The following ITPR2 variants were observed in gnomAD, a reference collection of about 807,000 sequenced individuals.
The protein encoded by ITPR2 is inositol 1,4,5-trisphosphate receptor type 2.
In ITPR2, 207 loss-of-function variants were observed where a neutral mutation model predicts 317.1. The observed-to-expected ratio is 0.65, with a 90% CI of 0.58 to 0.73. The LOEUF is 0.73. Among genes scored for constraint, ITPR2 ranks in the 30% least tolerant of loss-of-function variants. The pLI, the probability that ITPR2 is intolerant of heterozygous loss-of-function variation, is 0.00. For missense variants in ITPR2, 2,613 were observed against 3,284.0 expected (o/e 0.80, Z 4.99); for synonymous variants, 1,156 against 1,149.1 (o/e 1.01, Z -0.12).
chr12:26,608,692 GCAACCCCTC>G, intron 26 of ITPR2, among the ~76,000 whole-genome samples: 1 of 152,048 alleles, frequency 6.6e-6, no homozygotes, highest in African/African-American at 2.4e-5. Context: ...CGGCTGCTGT[GCAACCCCTC>G]CAAGTGTGTG....
At chr12:26,827,837 G>A (rs1044741198) in intron 1 of ITPR2, among the ~76,000 whole-genome samples, 16 of 152,264 alleles carry the variant, frequency 1.1e-4, no homozygotes, top group African/African-American at 3.4e-4. Context: ...CCCCCGTTGC[G>A]TTTTTAATAT....
Position 26,391,555 on chromosome 12 carries a change from CCTTTTTT to C in ITPR2, c.7697-3968_7697-3962del, listed in dbSNP as rs1298019058. ...AGCTTCTTCTTCTTCTTCTTCTTTT[CCTTTTTT>C]TTTTTTTTTTTTTTTTTTTTTTGAC... On this transcript the variant is annotated intron_variant, in intron 54 of 56. Coordinates refer to ENST00000381340, the MANE Select transcript of ITPR2 (RefSeq NM_002223.4). 1.3e-3 allele frequency among the ~76,000 whole-genome samples: 91 copies of C among 70,846 alleles called. 2 individuals carry two copies. Among genetic ancestry groups the C allele is most frequent in the Non-Finnish European group, 2.0e-3 (76 of 38,646 alleles). The allele number at this position is 70,846 out of a possible 152,430, so 46.5% of individuals were successfully genotyped here.
intron 55 of ITPR2, among the ~76,000 whole-genome samples, chr12:26,343,299 A>G (rs2136544772): frequency 6.6e-6 from 1 of 152,372 alleles, no homozygotes; most frequent in South Asian, 2.1e-4. Flanking sequence ...AGAAAATAGA[A>G]TAACAAAATT....
At chr12:26,605,212 T>C (rs994830147) in intron 26 of ITPR2, among the ~76,000 whole-genome samples, 87 of 151,442 alleles carry the variant, frequency 5.7e-4, no homozygotes, top group African/African-American at 2.0e-3. Context: ...GTGGCTAAGA[T>C]GAATGAAAAC....
chr12:26,758,386 TA>T (rs1222005002), intron 2 of ITPR2, among the ~76,000 whole-genome samples: 7 of 152,248 alleles, frequency 4.6e-5, no homozygotes, highest in Non-Finnish European at 8.8e-5. Context: ...ATTTGTTGTA[TA>T]TTTTTGCCTT....
intron 55 of ITPR2, among the ~76,000 whole-genome samples, chr12:26,381,302 C>A (rs1438827973): frequency 1.3e-5 from 2 of 152,220 alleles, no homozygotes; most frequent in African/African-American, 4.8e-5. Flanking sequence ...CTTGGTATAT[C>A]TTTCTGTAAA....
At chr12:26,370,032 C>A (rs1207861353) in intron 55 of ITPR2, among the ~76,000 whole-genome samples, 2 of 152,154 alleles carry the variant, frequency 1.3e-5, no homozygotes, top group Admixed American at 1.3e-4. Context: ...GTGTTCAAAA[C>A]CCACTCAGAT....
intron 10 of ITPR2, among the ~76,000 whole-genome samples, chr12:26,690,880 G>A (rs1002565347): frequency 7.2e-5 from 11 of 152,174 alleles, no homozygotes; most frequent in African/African-American, 2.7e-4. Flanking sequence ...AATTACATAG[G>A]ATAAGTAGAA....
At chr12:26,768,658 C>T (rs61920188) in intron 2 of ITPR2, among the ~76,000 whole-genome samples, 24,244 of 150,012 alleles carry the variant, frequency 0.16, 2,721 homozygotes, top group Non-Finnish European at 0.24. Flanking sequence ...TCACAGGACC[C>T]CTTCACACTC....
chr12:26,479,967 C>T (rs1160041039), intron 43 of ITPR2, among the ~76,000 whole-genome samples: 1 of 152,130 alleles, frequency 6.6e-6, no homozygotes, highest in African/African-American at 2.4e-5. Context: ...GCACAATCTT[C>T]ACGTAAACAT....
chr12:26,670,635 C>G (rs1414153596), intron 13 of ITPR2, among the ~76,000 whole-genome samples: 1 of 152,124 alleles, frequency 6.6e-6, no homozygotes, highest in Non-Finnish European at 1.5e-5. Flanking sequence ...CTCTAAAAAG[C>G]AGAGCACCTC....
intron 34 of ITPR2, among the ~76,000 whole-genome samples, chr12:26,568,021 T>TTATATATATTATATATA (rs1945057886): frequency 8.0e-6 from 1 of 124,676 alleles, no homozygotes. Flanking sequence ...TATATATATA[T>TTATATATATTATATATA]ATATATATAT....
At chr12:26,578,318 G>A (rs2137070412) in intron 34 of ITPR2, among the ~76,000 whole-genome samples, 1 of 151,866 alleles carries the variant, frequency 6.6e-6, no homozygotes, top group East Asian at 1.9e-4. Flanking sequence ...CTTGAATATT[G>A]ACACACTTCA....
intron 27 of ITPR2, 58 bp downstream of exon 27, chr12:26,602,559 C>A: frequency 6.4e-7 from 1 of 1,567,596 alleles, no homozygotes; most frequent in Non-Finnish European, 8.7e-7. Context: ...AATATATAAG[C>A]AAAACTTATT....
At chr12:26,341,707 A>G (rs1938118686) in intron 55 of ITPR2, among the ~76,000 whole-genome samples, 2 of 152,240 alleles carry the variant, frequency 1.3e-5, no homozygotes, top group Admixed American at 1.3e-4. Flanking sequence ...CATTCAGTCA[A>G]TCCTTCAGCA....
chr12:26,347,652 T>C (rs1467970294), intron 55 of ITPR2, among the ~76,000 whole-genome samples: 1 of 152,222 alleles, frequency 6.6e-6, no homozygotes, highest in Non-Finnish European at 1.5e-5. Flanking sequence ...TATCTATGCT[T>C]AGCTTCTGAA....
At chr12:26,782,006 A>G (rs1291007575) in intron 2 of ITPR2, among the ~76,000 whole-genome samples, 27 of 30,364 alleles carry the variant, frequency 8.9e-4, no homozygotes, top group African/African-American at 2.8e-3. Flanking sequence ...ATATATATAT[A>G]TATATATATA....
intron 13 of ITPR2, among the ~76,000 whole-genome samples, chr12:26,673,098 C>T (rs1251654813): frequency 2.6e-5 from 4 of 152,124 alleles, no homozygotes; most frequent in Non-Finnish European, 4.4e-5. Flanking sequence ...GATTCACAGC[C>T]GAATTCTACC....
chr12:26,623,452 G>A (rs553425579), intron 24 of ITPR2: 8 of 152,280 alleles, frequency 5.3e-5, no homozygotes, highest in African/African-American at 1.9e-4. Flanking sequence ...GAGTGGTGAT[G>A]CTGGCATATT....
Sources: gnomAD v4.1 joint callset for allele counts (sites outside exome capture counted in the v4.1 genomes callset) on GRCh38, gnomAD v4.1.1 for gene constraint, MANE v1.5 for transcripts, NCBI Gene and HGNC (gene_info 2026-07-23, HGNC 2026-07-21) for gene names.